The following ANAPC1 variants were observed in gnomAD, a reference collection of about 807,000 sequenced individuals.
ANAPC1 encodes anaphase-promoting complex subunit 1.
In ANAPC1, 36 loss-of-function variants were observed where a neutral mutation model predicts 208.0. The ratio of observed to expected loss-of-function variants is 0.17; its 90% confidence interval spans 0.13 to 0.23. The LOEUF (loss-of-function observed/expected upper bound fraction) is 0.23. Ranked by LOEUF, ANAPC1 falls within the 10% of genes least tolerant of loss-of-function variation. The probability of loss-of-function intolerance (pLI) is 1.00; values close to 1 mark genes in which losing one functional copy is unlikely to be tolerated. For synonymous variants in ANAPC1, 378 were observed against 695.2 expected (o/e 0.54, Z 7.18); for missense variants, 942 against 2,011.6 (o/e 0.47, Z 10.17).
chr2:111,792,910 G>A lies in ANAPC1; in HGVS notation c.4519-355C>T, dbSNP rs955645968. Among the ~76,000 whole-genome samples, 47 of 152,162 alleles carry A rather than the reference G, an allele frequency of 3.1e-4. 1 individual carries two copies. Among genetic ancestry groups the A allele is most frequent in the African/African-American group, 9.6e-4 (40 of 41,522 alleles). ...GGAGCTCGCAGTGAGCCGAGATCGC[G>A]CCACTGCACTCCAGCCTGGGAGACA... On this transcript the variant is annotated intron_variant, in intron 37 of 47. Coordinates refer to ENST00000341068, the MANE Select transcript of ANAPC1 (RefSeq NM_022662.4).
At chr2:111,882,322 G>T (rs1683345876) in intron 1 of ANAPC1, among the ~76,000 whole-genome samples, 1 of 152,146 alleles carries the variant, frequency 6.6e-6, no homozygotes, top group South Asian at 2.1e-4. Context: ...TTGTTTCCGT[G>T]TATTGACTTG....
At chr2:111,850,317 T>G (rs571297230) in intron 14 of ANAPC1, among the ~76,000 whole-genome samples, 1 of 151,976 alleles carries the variant, frequency 6.6e-6, no homozygotes, top group Non-Finnish European at 1.5e-5. Context: ...GAATGCTCCT[T>G]TCTACCTACA....
intron 17 of ANAPC1, among the ~76,000 whole-genome samples, chr2:111,838,964 G>A (rs565585577): frequency 3.3e-4 from 51 of 152,326 alleles, no homozygotes; most frequent in Non-Finnish European, 1.0e-4. Context: ...GAGACAAGTA[G>A]CTACTCTGGA....
chr2:111,846,559 ATTTTTTTTTT>A (rs775041785), intron 16 of ANAPC1, among the ~76,000 whole-genome samples: 1 of 46,266 alleles, frequency 2.2e-5, no homozygotes, highest in African/African-American at 8.0e-5. Flanking sequence ...ATATATATAT[ATTTTTTTTTT>A]TTTTTTTTTT....
chr2:111,771,587 T>A (rs928795010), intron 47 of ANAPC1, among the ~76,000 whole-genome samples: 2 of 143,446 alleles, frequency 1.4e-5, no homozygotes, highest in African/African-American at 5.2e-5. Context: ...CCTTTTCTTA[T>A]TTTTTTTTTT....
intron 3 of ANAPC1, among the ~76,000 whole-genome samples, chr2:111,875,485 C>T (rs1437206946): frequency 6.6e-6 from 1 of 152,130 alleles, no homozygotes; most frequent in African/African-American, 2.4e-5. Flanking sequence ...GATCACTAAC[C>T]CCTTCCACAT....
At chr2:111,842,460 G>A (rs919140203) in intron 17 of ANAPC1, among the ~76,000 whole-genome samples, 8 of 152,054 alleles carry the variant, frequency 5.3e-5, no homozygotes, top group Admixed American at 2.0e-4. Context: ...TGGCTAACAC[G>A]GTGAAACCCC....
At chr2:111,815,138 T>A (rs1200154610) in intron 28 of ANAPC1, among the ~76,000 whole-genome samples, 2 of 138,036 alleles carry the variant, frequency 1.4e-5, no homozygotes, top group Non-Finnish European at 3.0e-5. Context: ...TACTCTGCCT[T>A]ACTCAAGGAA....
chr2:111,777,071 G>A lies in ANAPC1; in HGVS notation c.5386-14C>T. ...TCTTCTTATAGCCTTGAAGAGGAAA[G>A]AGGACAACAATCTATTTAATCAAAG... On this transcript the variant is annotated splice_polypyrimidine_tract_variant and intron_variant, in intron 45 of 47. Coordinates refer to ENST00000341068, the MANE Select transcript of ANAPC1 (RefSeq NM_022662.4). The A allele has an allele frequency of 2.2e-6, 1 of 461,910 alleles. No homozygotes were observed. Among genetic ancestry groups the A allele is most frequent in the South Asian group, 2.1e-5 (1 of 47,698 alleles). The allele number at this position is 461,910 out of a possible 1,614,324, so 28.6% of individuals were successfully genotyped here.
At chr2:111,813,313 C>G (rs1230908353) in intron 28 of ANAPC1, among the ~76,000 whole-genome samples, 1 of 148,104 alleles carries the variant, frequency 6.8e-6, no homozygotes, top group Non-Finnish European at 1.5e-5. Context: ...TTTACCTATG[C>G]CTTTTTAATC....
rs577205800 is a variant in ANAPC1 at position 111,794,773 on chromosome 2, T to C, written c.4373+45A>G. On this transcript the variant is annotated intron_variant, in intron 35 of 47. Transcript: ENST00000341068. ...CACATGGTATATTTCAATTTAATTA[T>C]CTGATAGACGCTAGGATAGCTAATT... 2.8e-5 allele frequency: 24 copies of C among 861,864 alleles called. No individual in the cohort carries two copies. The African/African-American group carries it at 3.7e-4, about 13-fold the overall frequency. The allele number at this position is 861,864 out of a possible 1,614,324, so 53.4% of individuals were successfully genotyped here. A position where few individuals can be genotyped will look rare whatever the true frequency, so the allele number is the denominator to read the frequency against.
intron 3 of ANAPC1, among the ~76,000 whole-genome samples, chr2:111,877,780 T>A (rs1452110964): frequency 6.6e-6 from 1 of 152,040 alleles, no homozygotes; most frequent in Non-Finnish European, 1.5e-5. Flanking sequence ...CAAGACTCCA[T>A]CTCAAAAAAC....
At position 111,835,251 on chromosome 2, in the gene ANAPC1, G is replaced by A. The variant is rs555147325; in HGVS notation, c.2116-379C>T. 2.6e-5 allele frequency among the ~76,000 whole-genome samples: 4 copies of A among 152,296 alleles called. No individual in the cohort carries two copies. In the East Asian group the frequency reaches 7.7e-4, roughly 29 times the overall value. On this transcript the variant is annotated intron_variant, in intron 18 of 47. Transcript: ENST00000341068. ...ACACTGAACTGTGTTTTGGTAAGAA[G>A]GAAGGTCCACCTGCATTCAGCTGGT...
At chr2:111,841,029 C>A (rs764794491) in intron 17 of ANAPC1, among the ~76,000 whole-genome samples, 4 of 152,086 alleles carry the variant, frequency 2.6e-5, no homozygotes, top group Admixed American at 6.5e-5. Flanking sequence ...GACGACAGAG[C>A]GAAACCCCGT....
chr2:111,801,174 T>C (rs1678423755), intron 33 of ANAPC1, among the ~76,000 whole-genome samples: 2 of 151,866 alleles, frequency 1.3e-5, no homozygotes, highest in Admixed American at 6.6e-5. Context: ...CTGGCCAACA[T>C]GGTGAAACCC....
chr2:111,825,280 A>G (rs1679772681), intron 22 of ANAPC1, 113 bp from the exon 23 acceptor site: 3 of 1,429,730 alleles, frequency 2.1e-6, no homozygotes, highest in Non-Finnish European at 2.9e-6. Flanking sequence ...CATCTAAAAA[A>G]AAATAAAATA....
chr2:111,810,262 C>T (rs1434064462), intron 28 of ANAPC1, among the ~76,000 whole-genome samples: 10 of 137,832 alleles, frequency 7.3e-5, no homozygotes, highest in South Asian at 2.2e-4. Flanking sequence ...CCCATAGACA[C>T]GGAAAGTAGA....
chr2:111,782,826 G>A (rs1677358086), intron 42 of ANAPC1, among the ~76,000 whole-genome samples: 1 of 152,062 alleles, frequency 6.6e-6, no homozygotes, highest in South Asian at 2.1e-4. Context: ...TCTATGCCTA[G>A]GGTACATGAG....
rs1325560459 is a variant in ANAPC1, at chr2:111,834,591, C to T, written c.2384+13G>A. 17 of 1,554,692 alleles carry T rather than the reference C, an allele frequency of 1.1e-5. No homozygotes were observed. The highest frequency in any genetic ancestry group is 1.7e-4 in the Middle Eastern group (1 of 5,858). On this transcript the variant is annotated intron_variant, in intron 19 of 47. Transcript: ENST00000341068. ...GGACTTCCTGGCAGTTTCTAACCTACAAACAAATTTACCTTGCCAACTGAA... is the reference window on the plus strand; with the variant it reads ...GGACTTCCTGGCAGTTTCTAACCTATAAACAAATTTACCTTGCCAACTGAA...
Sources: allele counts gnomAD v4.1 joint callset (sites outside exome capture counted in the v4.1 genomes callset), GRCh38; gene constraint gnomAD v4.1.1; transcripts MANE v1.5; gene names NCBI Gene and HGNC (gene_info 2026-07-23, HGNC 2026-07-21).